The following ARRDC5 variants were observed in gnomAD, a reference collection of about 807,000 sequenced individuals.
ARRDC5 encodes arrestin domain-containing protein 5.
ARRDC5 carries 12 observed loss-of-function variants against 13.3 expected under a neutral mutation model. The ratio of observed to expected loss-of-function variants is 0.90; its 90% confidence interval spans 0.58 to 1.46. ARRDC5 has a LOEUF of 1.46. Among genes scored for constraint, ARRDC5 ranks in the 40% most tolerant of loss-of-function variants. The pLI is 0.00. For synonymous variants in ARRDC5, 181 were observed against 173.4 expected, an observed-to-expected ratio of 1.04 and a Z score of -0.34; for missense variants, 406 against 418.7, an observed-to-expected ratio of 0.97 and a Z score of 0.26.
the ARRDC5 span, among the ~76,000 whole-genome samples, chr19:4,913,225 G>T: frequency 2.0e-4 from 29 of 145,844 alleles, 1 homozygote; most frequent in African/African-American, 7.2e-4. Context: ...ACAGGAACAC[G>T]TATGTTAATT....
the ARRDC5 span, among the ~76,000 whole-genome samples, chr19:4,914,171 C>T: frequency 2.2e-4 from 34 of 152,208 alleles, 1 homozygote; most frequent in African/African-American, 7.2e-4. Context: ...TTCTGTCTTC[C>T]GGGCCACAGA....
chr19:4,907,036 G>A (rs1599228613), upstream of ARRDC5, among the ~76,000 whole-genome samples: 1 of 152,194 alleles, frequency 6.6e-6, no homozygotes, highest in East Asian at 1.9e-4. Context: ...GCACCATCTG[G>A]ACATCGTGGA....
intron 1 of ARRDC5, among the ~76,000 whole-genome samples, chr19:4,899,195 C>G (rs1599218562): frequency 6.6e-6 from 1 of 151,638 alleles, no homozygotes; most frequent in South Asian, 2.1e-4. Flanking sequence ...GCCTGTAGTC[C>G]CAGCTACTCG....
chr19:4,897,741 T>G (rs1283396302), intron 1 of ARRDC5, among the ~76,000 whole-genome samples: 3 of 152,178 alleles, frequency 2.0e-5, no homozygotes, highest in African/African-American at 7.2e-5. Context: ...GGTCTTGAAC[T>G]TCTGGCCACA....
chr19:4,906,844 T>C (rs1319010032), upstream of ARRDC5, among the ~76,000 whole-genome samples: 3 of 152,356 alleles, frequency 2.0e-5, no homozygotes, highest in African/African-American at 7.2e-5. Context: ...GATGATGTGT[T>C]CTGATAGAAA....
At chr19:4,896,327 A>AAT (rs1555740909) in intron 2 of ARRDC5, among the ~76,000 whole-genome samples, 1 of 70,156 alleles carries the variant, frequency 1.4e-5, no homozygotes, top group Non-Finnish European at 2.6e-5. Flanking sequence ...AAAAAAAAAA[A>AAT]AAATATATAT....
intron 1 of ARRDC5, among the ~76,000 whole-genome samples, chr19:4,898,035 C>T (rs947951135): frequency 1.3e-5 from 2 of 152,002 alleles, no homozygotes; most frequent in East Asian, 1.9e-4. Context: ...TGCAGTGAGC[C>T]GAGATCATGC....
rs1165210935 is a variant in ARRDC5 at position 4,896,866 on chromosome 19, T to C, written c.264A>G (p.Leu88=). Reference sequence around the variant, plus strand: ...AGTCAAAGGTGTGGCTGCCTGCACTTAACCAATTATCTGAAAGCAAAACAC... The same window carrying C: ...AGTCAAAGGTGTGGCTGCCTGCACTCAACCAATTATCTGAAAGCAAAACAC... The part of the protein sequence containing the change: ...TKTFPVEDNW[L]SAGSHTFDFH... The change falls in exon 2 of 3, where the codon TTA becomes TTG. Residue 88 remains leucine, a synonymous_variant. Coordinates refer to ENST00000650722, the MANE Select transcript of ARRDC5 (RefSeq NM_001080523.3). 4.1e-5 allele frequency: 66 copies of C among 1,613,086 alleles called. No homozygotes were observed. The highest frequency in any genetic ancestry group is 5.6e-5 in the Non-Finnish European group (66 of 1,179,354).
the ARRDC5 span, among the ~76,000 whole-genome samples, chr19:4,915,521 G>A: frequency 6.6e-6 from 1 of 152,046 alleles, no homozygotes; most frequent in Non-Finnish European, 1.5e-5. Context: ...CTAGAACAGC[G>A]TGCCAACATG....
In ARRDC5 at chr19:4,891,005, TAG is replaced by T; in HGVS notation, c.*39_*40del. ...TGCAAGAGAGAGGGCTTCCTCCTGG[TAG>T]AGACTAATAAAGCTTTTAATATTTA... On this transcript the variant is annotated 3_prime_UTR_variant, in exon 3 of 3. Coordinates refer to ENST00000650722, the MANE Select transcript of ARRDC5 (RefSeq NM_001080523.3). 1 of 1,544,144 alleles carries T rather than the reference TAG, an allele frequency of 6.5e-7. No individual in the cohort carries two copies. Among genetic ancestry groups the T allele is most frequent in the South Asian group, 1.2e-5 (1 of 80,506 alleles).
At chr19:4,893,650 G>A (rs1259345726) in intron 2 of ARRDC5, among the ~76,000 whole-genome samples, 8 of 150,612 alleles carry the variant, frequency 5.3e-5, no homozygotes, top group Non-Finnish European at 1.5e-5. Context: ...CAGCACTTTG[G>A]GGAGGCCAAG....
chr19:4,896,261 G>T (rs2031705223), intron 2 of ARRDC5, among the ~76,000 whole-genome samples: 1 of 132,418 alleles, frequency 7.6e-6, no homozygotes, highest in African/African-American at 2.7e-5. Context: ...GTTACAGTGA[G>T]CCGAGATCAT....
chr19:4,900,353 G>A (rs2031877718), intron 1 of ARRDC5, among the ~76,000 whole-genome samples: 1 of 151,308 alleles, frequency 6.6e-6, no homozygotes, highest in Non-Finnish European at 1.5e-5. Flanking sequence ...CTTGTCCTCT[G>A]GTGATCTGCC....
intron 2 of ARRDC5, among the ~76,000 whole-genome samples, chr19:4,896,181 G>A (rs1283156402): frequency 6.6e-6 from 1 of 151,668 alleles, no homozygotes; most frequent in African/African-American, 2.4e-5. Context: ...TGGGCATGGT[G>A]GTGCACATCT....
At chr19:4,912,503 A>C in the ARRDC5 span, among the ~76,000 whole-genome samples, 2 of 152,148 alleles carry the variant, frequency 1.3e-5, no homozygotes, top group African/African-American at 4.8e-5. Context: ...CCGAGCTAGC[A>C]TTTTAACTTT....
the ARRDC5 span, chr19:4,910,907 A>G: frequency 1.2e-6 from 2 of 1,612,844 alleles, no homozygotes; most frequent in East Asian, 2.2e-5. Context: ...GGTTCGGACC[A>G]TGGACGGGAG....
upstream of ARRDC5, among the ~76,000 whole-genome samples, chr19:4,904,345 A>G (rs2032018364): frequency 1.3e-5 from 2 of 151,956 alleles, no homozygotes; most frequent in Non-Finnish European, 1.5e-5. Context: ...ATGCCTGGCT[A>G]ATTTTTTGTA....
At position 4,891,519 on chromosome 19, in the gene ARRDC5, C is replaced by T. The variant is rs980437020; in HGVS notation, c.514G>A (p.Gly172Ser). ...ATCTGGATTTGCAAACAGACAGTGCCCTGGCGGCAGCAGTTGTAGGAGACT... is the reference window on the plus strand; with the variant it reads ...ATCTGGATTTGCAAACAGACAGTGCTCTGGCGGCAGCAGTTGTAGGAGACT... The part of the protein sequence containing the change: ...EKVSYNCCRQ[G>S]TVCLQIQMER... Residue 172 changes from glycine to serine, a missense_variant, in exon 3 of 3, where the codon GGC becomes AGC. Transcript: ENST00000650722. 8 of 1,613,702 alleles carry T rather than the reference C, an allele frequency of 5.0e-6. No homozygotes were observed. The highest frequency in any genetic ancestry group is 3.3e-4 in the Middle Eastern group (2 of 6,084).
At chr19:4,902,352 AT>A (rs1371402887) in intron 1 of ARRDC5, among the ~76,000 whole-genome samples, 2 of 152,160 alleles carry the variant, frequency 1.3e-5, no homozygotes, top group Non-Finnish European at 2.9e-5. Flanking sequence ...TTGAACCTTC[AT>A]TTTGAATATC....
Sources: gnomAD v4.1 joint callset for allele counts (sites outside exome capture counted in the v4.1 genomes callset) on GRCh38, gnomAD v4.1.1 for gene constraint, MANE v1.5 for transcripts, NCBI Gene and HGNC (gene_info 2026-07-23, HGNC 2026-07-21) for gene names.